LRRC28: variants seen among roughly 807,000 people sequenced by gnomAD.
The protein encoded by LRRC28 is leucine-rich repeat-containing protein 28.
A neutral mutation model predicts 45.7 loss-of-function variants in LRRC28; 39 were observed. The observed-to-expected ratio is 0.85, with a 90% confidence interval of 0.66 to 1.12. The LOEUF is 1.12. LRRC28 is among the 50% of genes most tolerant of loss of function. The probability of loss-of-function intolerance (pLI) is 0.00; values close to 1 mark genes in which losing one functional copy is unlikely to be tolerated. For missense variants in LRRC28, 435 were observed against 438.5 expected (o/e 0.99, Z 0.07); for synonymous variants, 206 against 178.8 (o/e 1.15, Z -1.22).
At chr15:99,296,920 G>A (rs1006289412) in intron 5 of LRRC28, among the ~76,000 whole-genome samples, 16 of 152,172 alleles carry the variant, frequency 1.1e-4, no homozygotes, top group Non-Finnish European at 1.8e-4. Context: ...ACACAGTGCT[G>A]AGACTTGAAA....
intron 7 of LRRC28, among the ~76,000 whole-genome samples, chr15:99,357,661 T>C (rs1957083768): frequency 6.6e-6 from 1 of 152,212 alleles, no homozygotes; most frequent in African/African-American, 2.4e-5. Flanking sequence ...ATCACAGCAA[T>C]TGTGACTTGT....
chr15:99,340,695 A>G (rs998341981), intron 6 of LRRC28, among the ~76,000 whole-genome samples: 16 of 152,326 alleles, frequency 1.1e-4, no homozygotes, highest in African/African-American at 3.8e-4. Context: ...GTATGGACAA[A>G]AAGTCCGAGA....
chr15:99,287,182 T>A lies in LRRC28; in HGVS notation c.210-75T>A, dbSNP rs769758096. On this transcript the variant is annotated intron_variant, in intron 3 of 9. Coordinates refer to ENST00000301981, the MANE Select transcript of LRRC28 (RefSeq NM_144598.5). Reference sequence around the variant, plus strand: ...TATTTATATTTGATAAATTTCTAAGTGAGCATTTTATAAACTGATTATCTG... The same window carrying A: ...TATTTATATTTGATAAATTTCTAAGAGAGCATTTTATAAACTGATTATCTG... 104 of 1,279,856 alleles carry A rather than the reference T, an allele frequency of 8.1e-5. No individual in the cohort carries two copies. The Middle Eastern group carries it at 9.2e-4, about 11-fold the overall frequency. 79.3% of individuals were successfully genotyped at this position (1,279,856 alleles called of 1,614,324 possible). A position where few individuals can be genotyped will look rare whatever the true frequency, so the allele number is the denominator to read the frequency against.
chr15:99,333,264 T>G (rs1956214833), intron 5 of LRRC28, among the ~76,000 whole-genome samples: 1 of 152,188 alleles, frequency 6.6e-6, no homozygotes, highest in Non-Finnish European at 1.5e-5. Flanking sequence ...ATGAGGGAAT[T>G]TTGGAGTAAA....
chr15:99,336,288 G>A (rs1042702971), intron 6 of LRRC28, among the ~76,000 whole-genome samples: 2 of 152,124 alleles, frequency 1.3e-5, no homozygotes, highest in African/African-American at 4.8e-5. Flanking sequence ...TTATAGATAA[G>A]GAAATTGAGG....
chr15:99,361,631 C>A, intron 8 of LRRC28, 120 bp downstream of exon 8: 1 of 915,692 alleles, frequency 1.1e-6, no homozygotes, highest in Non-Finnish European at 1.6e-6. Context: ...ACACATAACA[C>A]GAAAGTAACC....
intron 2 of LRRC28, chr15:99,259,510 A>T (rs117293722): frequency 1.7e-6 from 2 of 1,177,778 alleles, no homozygotes; most frequent in East Asian, 4.7e-5. Flanking sequence ...ACAAGATTGA[A>T]AAGGCTATGG....
intron 5 of LRRC28, among the ~76,000 whole-genome samples, chr15:99,303,540 A>T (rs922769135): frequency 2.6e-5 from 4 of 152,174 alleles, no homozygotes; most frequent in African/African-American, 4.8e-5. Flanking sequence ...ATAGATCAAG[A>T]ATATAAAAAC....
intron 6 of LRRC28, among the ~76,000 whole-genome samples, chr15:99,336,601 T>G (rs966470284): frequency 6.6e-6 from 1 of 152,188 alleles, no homozygotes; most frequent in Non-Finnish European, 1.5e-5. Context: ...TTAGCAAGAT[T>G]ACCTGCTAGA....
At chr15:99,259,212 A>G (rs2081118890) in intron 2 of LRRC28, 1 of 1,095,260 alleles carries the variant, frequency 9.1e-7, no homozygotes, top group Non-Finnish European at 1.4e-6. Flanking sequence ...AGAATGAAGG[A>G]AAAACAAGAC....
At chr15:99,324,114 A>G (rs1296550159) in intron 5 of LRRC28, among the ~76,000 whole-genome samples, 1 of 152,166 alleles carries the variant, frequency 6.6e-6, no homozygotes, top group Non-Finnish European at 1.5e-5. Context: ...AAAACCTCAA[A>G]TAGCACTCAA....
intron 6 of LRRC28, among the ~76,000 whole-genome samples, chr15:99,343,555 C>CA (rs1956585721): frequency 1.3e-5 from 2 of 152,310 alleles, no homozygotes; most frequent in South Asian, 4.1e-4. Flanking sequence ...ATTTTGGACA[C>CA]AATACAGTAC....
chr15:99,350,108 A>G (rs1014949650), intron 6 of LRRC28, among the ~76,000 whole-genome samples: 3 of 148,310 alleles, frequency 2.0e-5, no homozygotes, highest in African/African-American at 7.4e-5. Context: ...TGCAGTCCGC[A>G]GTCCGGCCTG....
chr15:99,324,597 T>G (rs1266485810), intron 5 of LRRC28, among the ~76,000 whole-genome samples: 1 of 152,228 alleles, frequency 6.6e-6, no homozygotes, highest in African/African-American at 2.4e-5. Flanking sequence ...GGGGACTTAC[T>G]GTGTTTTTCT....
intron 9 of LRRC28, among the ~76,000 whole-genome samples, 190 bp from the exon 10 acceptor site, chr15:99,385,840 G>T (rs1957969751): frequency 6.6e-6 from 1 of 150,720 alleles, no homozygotes; most frequent in South Asian, 2.1e-4. Flanking sequence ...TAAATAAAAT[G>T]AACATTCACA....
rs577032561 is a variant in LRRC28 at position 99,289,850 on chromosome 15, G to A, written c.385+1899G>A. Among the ~76,000 whole-genome samples the A allele has an allele frequency of 2.0e-3, 300 of 146,686 alleles. 2 individuals carry two copies. The highest frequency in any genetic ancestry group is 6.3e-3 in the African/African-American group (251 of 39,846). ...CGGGAGGCTGAGGCAGGAGAATGGC[G>A]TGAACCCGGGAAGCGGAGCTTGCAG... is the stretch of plus-strand genomic sequence containing the variant. On this transcript the variant is annotated intron_variant, in intron 5 of 9. Transcript: ENST00000301981.
chr15:99,299,834 CTG>C (rs1353485769), intron 5 of LRRC28, among the ~76,000 whole-genome samples: 7 of 152,104 alleles, frequency 4.6e-5, no homozygotes, highest in African/African-American at 1.4e-4. Context: ...TTGGTTTTCA[CTG>C]TGTATTTTTT....
chr15:99,330,350 T>C (rs1161891030), intron 5 of LRRC28, among the ~76,000 whole-genome samples: 2 of 152,188 alleles, frequency 1.3e-5, no homozygotes, highest in African/African-American at 4.8e-5. Context: ...ACTCTCCATC[T>C]ATCATGTTGA....
intron 3 of LRRC28, among the ~76,000 whole-genome samples, chr15:99,278,641 G>A (rs2081688884): frequency 6.6e-6 from 1 of 152,210 alleles, no homozygotes; most frequent in South Asian, 2.1e-4. Flanking sequence ...AGTCTATTGT[G>A]TTAAGCAAAT....
Sources: allele counts gnomAD v4.1 joint callset (sites outside exome capture counted in the v4.1 genomes callset), GRCh38; gene constraint gnomAD v4.1.1; transcripts MANE v1.5; gene names NCBI Gene and HGNC (gene_info 2026-07-23, HGNC 2026-07-21).